Variants in KCNQ5 observed in about 807,000 individuals in gnomAD.
The protein encoded by KCNQ5 is potassium voltage-gated channel subfamily Q member 5.
A neutral mutation model predicts 98.2 loss-of-function variants in KCNQ5; 30 were observed. The observed-to-expected ratio is 0.31, with a 90% CI of 0.23 to 0.41. The LOEUF is 0.41. KCNQ5 is among the 10% of genes least tolerant of loss of function. KCNQ5 has a pLI of 1.00. For missense variants in KCNQ5, 835 were observed against 1,182.5 expected (o/e 0.71, Z 4.31); for synonymous variants, 458 against 449.4 (o/e 1.02, Z -0.24).
In KCNQ5 at chr6:72,622,498, G is replaced by A; in HGVS notation, c.309G>A (p.Arg103=). 6.2e-7 allele frequency: 1 copy of A among 1,610,244 alleles called. No homozygotes were observed. The highest frequency in any genetic ancestry group is 1.1e-5 in the South Asian group (1 of 90,998). The change falls in exon 1 of 14, where the codon CGG becomes CGA. Residue 103 remains arginine (R), a synonymous_variant. Coordinates refer to ENST00000370398, the MANE Select transcript of KCNQ5 (RefSeq NM_019842.4). The surrounding 1 kb of genome is among the most constrained non-coding windows in gnomAD (Gnocchi z 6.0). ...PLSYTSSQSC[R]RNVKYRRVQN... is the part of the protein sequence containing the mutation. ...CTTACACGAGTAGCCAGAGCTGCCG[G>A]CGCAACGTCAAGTACCGGCGGGTGC...
intron 1 of KCNQ5, among the ~76,000 whole-genome samples, chr6:72,766,551 C>G (rs1373407577): frequency 6.6e-6 from 1 of 151,916 alleles, no homozygotes; most frequent in East Asian, 1.9e-4. Context: ...GTGGATTGGC[C>G]TAGGTTGGTA....
Position 72,622,631 on chromosome 6 carries a change from T to C in KCNQ5, c.398+44T>C, listed in dbSNP as rs796389207. Reference sequence around the variant, plus strand: ...TGCTATGCCCGCTGCAGGGGACCACTGTCCCTGGCCCCCTGGGGCGTGCTC... The same window carrying C: ...TGCTATGCCCGCTGCAGGGGACCACCGTCCCTGGCCCCCTGGGGCGTGCTC... On this transcript the variant is annotated intron_variant, in intron 1 of 13. Transcript: ENST00000370398. The surrounding 1 kb of genome is among the most constrained non-coding windows in gnomAD (Gnocchi z 6.0). The C allele has an allele frequency of 6.2e-7, 1 of 1,604,272 alleles. No individual in the cohort carries two copies. The highest frequency in any genetic ancestry group is 8.5e-7 in the Non-Finnish European group (1 of 1,175,132).
intron 1 of KCNQ5, among the ~76,000 whole-genome samples, chr6:72,835,819 T>A (rs1776480687): frequency 6.6e-6 from 1 of 152,228 alleles, no homozygotes; most frequent in Admixed American, 6.5e-5. Context: ...ACTCACTTTC[T>A]AATTATTTAC....
intron 2 of KCNQ5, among the ~76,000 whole-genome samples, chr6:73,012,738 T>C (rs754630334): frequency 2.0e-5 from 3 of 152,016 alleles, no homozygotes; most frequent in Non-Finnish European, 4.4e-5. Context: ...AAGTGATGGG[T>C]TGATAGATGC....
intron 7 of KCNQ5, among the ~76,000 whole-genome samples, chr6:73,115,785 CACA>C (rs1775465624): frequency 1.3e-5 from 2 of 152,126 alleles, no homozygotes; most frequent in Admixed American, 6.6e-5. Flanking sequence ...ACTTCTCTTC[CACA>C]ACAAGGGGAT....
At chr6:72,888,794 G>A (rs529861301) in intron 1 of KCNQ5, among the ~76,000 whole-genome samples, 1 of 152,098 alleles carries the variant, frequency 6.6e-6, no homozygotes, top group Non-Finnish European at 1.5e-5. Context: ...GCATTCCTGA[G>A]TAGTCCTTCA....
intron 7 of KCNQ5, among the ~76,000 whole-genome samples, chr6:73,118,065 T>G (rs547113889): frequency 6.6e-6 from 1 of 152,320 alleles, no homozygotes; most frequent in Non-Finnish European, 1.5e-5. Context: ...TGTCACTTTC[T>G]GAAATTTCAT....
At chr6:73,067,263 G>C (rs1300051910) in intron 3 of KCNQ5, among the ~76,000 whole-genome samples, 2 of 152,000 alleles carry the variant, frequency 1.3e-5, no homozygotes, top group Non-Finnish European at 2.9e-5. Context: ...TTTGATTTTT[G>C]GCTCCATTTA....
intron 1 of KCNQ5, among the ~76,000 whole-genome samples, chr6:72,645,612 A>G (rs995267651): frequency 1.3e-5 from 2 of 152,038 alleles, no homozygotes; most frequent in African/African-American, 4.8e-5. Flanking sequence ...TCTCCCTCAT[A>G]GAAAGGAGAG....
In KCNQ5 at chr6:72,728,309, AGTATGAAATCAAGTTCAAATTC is replaced by A. The variant is rs1770389414; in HGVS notation, c.398+105723_398+105744del. The stretch of plus-strand genomic sequence containing the variant: ...GGAAATTCCCATACTTTTAATCATA[AGTATGAAATCAAGTTCAAATTC>A]CAGGATCTTATTATTTATACCTGTT... On this transcript the variant is annotated intron_variant, in intron 1 of 13. Transcript: ENST00000370398. Among the ~76,000 whole-genome samples the A allele has an allele frequency of 2.0e-5, 3 of 152,176 alleles. 1 individual carries two copies. Among genetic ancestry groups the A allele is most frequent in the Non-Finnish European group, 4.4e-5 (3 of 68,026 alleles).
At chr6:73,073,207 C>A (rs1007741882) in intron 3 of KCNQ5, among the ~76,000 whole-genome samples, 2 of 152,170 alleles carry the variant, frequency 1.3e-5, no homozygotes, top group African/African-American at 2.4e-5. Context: ...CAAGTAAGGG[C>A]CAGCTCAACC....
chr6:73,077,836 G>A lies in KCNQ5; in HGVS notation c.867G>A (p.Lys289=). The A allele has an allele frequency of 1.2e-6, 2 of 1,612,398 alleles. No homozygotes were observed. The highest frequency in any genetic ancestry group is 3.3e-4 in the Middle Eastern group (2 of 6,056). Residue 289 remains lysine, a synonymous_variant, in exon 5 of 14, where the codon AAG becomes AAA. Transcript: ENST00000370398. ...CTTTCCTTGTCTATCTGGTGGAAAA[G>A]GATGCCAATAAAGAGTTTTCTACAT... ...FSSFLVYLVE[K]DANKEFSTYA... is the part of the protein sequence containing the mutation.
chr6:72,750,937 A>G (rs956630885), intron 1 of KCNQ5, among the ~76,000 whole-genome samples: 2 of 152,034 alleles, frequency 1.3e-5, no homozygotes, highest in Non-Finnish European at 2.9e-5. Flanking sequence ...ATTAAAAAAG[A>G]TACATCTTCT....
chr6:72,731,992 T>C (rs572092558), intron 1 of KCNQ5, among the ~76,000 whole-genome samples: 19 of 152,366 alleles, frequency 1.2e-4, no homozygotes, highest in African/African-American at 3.8e-4. Flanking sequence ...GAGCTAGATA[T>C]TGCTGCTTTG....
At chr6:72,696,149 G>A (rs970315156) in intron 1 of KCNQ5, among the ~76,000 whole-genome samples, 5 of 152,106 alleles carry the variant, frequency 3.3e-5, no homozygotes, top group African/African-American at 1.2e-4. Context: ...TCTTACACAT[G>A]TGCACAAAGA....
At chr6:73,079,660 A>T (rs1292699688) in intron 5 of KCNQ5, among the ~76,000 whole-genome samples, 1 of 152,246 alleles carries the variant, frequency 6.6e-6, no homozygotes, top group Non-Finnish European at 1.5e-5. Context: ...GTTTCAAAGG[A>T]TTCCGTTGGT....
At chr6:72,634,117 G>T (rs1048469383) in intron 1 of KCNQ5, among the ~76,000 whole-genome samples, 6 of 152,198 alleles carry the variant, frequency 3.9e-5, no homozygotes, top group Non-Finnish European at 8.8e-5. Context: ...CCTCATATCA[G>T]ATGGGTAGAG....
At chr6:72,756,531 G>A (rs950354542) in intron 1 of KCNQ5, among the ~76,000 whole-genome samples, 1 of 152,098 alleles carries the variant, frequency 6.6e-6, no homozygotes, top group East Asian at 1.9e-4. Flanking sequence ...TCATCTATTA[G>A]TAAGTTGTAG....
intron 2 of KCNQ5, among the ~76,000 whole-genome samples, chr6:73,016,980 C>T (rs947522925): frequency 1.3e-5 from 2 of 152,148 alleles, no homozygotes; most frequent in African/African-American, 4.8e-5. Context: ...CACTTGGTCT[C>T]TGATCCTGTG....
Sources: allele counts gnomAD v4.1 joint callset (sites outside exome capture counted in the v4.1 genomes callset), GRCh38; gene constraint gnomAD v4.1.1; non-coding constraint Gnocchi (gnomAD v3.1); transcripts MANE v1.5; gene names NCBI Gene and HGNC (gene_info 2026-07-23, HGNC 2026-07-21).